Variants in CCDC107 observed in about 807,000 individuals in gnomAD.
The protein encoded by CCDC107 is coiled-coil domain-containing protein 107.
In CCDC107, 17 loss-of-function variants were observed where a neutral mutation model predicts 17.9. The observed-to-expected ratio is 0.95, with a 90% confidence interval of 0.65 to 1.42. CCDC107 has a LOEUF of 1.42. Among genes scored for constraint, CCDC107 ranks in the 40% most tolerant of loss-of-function variants. The pLI, the probability that CCDC107 is intolerant of heterozygous loss-of-function variation, is 0.00. For synonymous variants in CCDC107, 170 were observed against 157.2 expected (o/e 1.08, Z -0.61); for missense variants, 388 against 360.1 (o/e 1.08, Z -0.63).
In CCDC107 at chr9:35,658,360, C is replaced by A; in HGVS notation, c.-20C>A. On this transcript the variant is annotated 5_prime_UTR_variant, in exon 1 of 5. Coordinates refer to ENST00000426546, the MANE Select transcript of CCDC107 (RefSeq NM_174923.3). ...CCGCTTCGGCACCGCCCGCCCGATC[C>A]CTCCACCCGTGGGCCGGCAATGGCG... The A allele has an allele frequency of 7.3e-7, 1 of 1,368,880 alleles. No individual in the cohort carries two copies. The highest frequency in any genetic ancestry group is 9.4e-7 in the Non-Finnish European group (1 of 1,058,708). The allele number at this position is 1,368,880 out of a possible 1,614,324, so 84.8% of individuals were successfully genotyped here.
chr9:35,658,536 G>C (rs1438188663), intron 1 of CCDC107, 40 bp from the exon 2 acceptor site: 1 of 1,532,822 alleles, frequency 6.5e-7, no homozygotes, highest in Non-Finnish European at 8.7e-7. Flanking sequence ...CGGGTCCCAG[G>C]CCCCAGCTCG....
Position 35,661,354 on chromosome 9 carries a change from G to C in CCDC107, c.*167G>C, listed in dbSNP as rs758396886. ...AGAGGGAGCTCCAGCTCTTTTCCTCGTATTCCTGAGGCCACCAGCATGCCC... is the reference window on the plus strand; with the variant it reads ...AGAGGGAGCTCCAGCTCTTTTCCTCCTATTCCTGAGGCCACCAGCATGCCC... On this transcript the variant is annotated 3_prime_UTR_variant, in exon 5 of 5. Transcript: ENST00000426546. 1 of 540,232 alleles carries C rather than the reference G, an allele frequency of 1.9e-6. No individual in the cohort carries two copies. Among genetic ancestry groups the C allele is most frequent in the East Asian group, 3.0e-5 (1 of 32,914 alleles). 33.5% of individuals were successfully genotyped at this position (540,232 alleles called of 1,614,324 possible).
rs565195727 is a variant in CCDC107 at position 35,660,829 on chromosome 9, C to T, written c.494C>T (p.Pro165Leu). 3.7e-6 allele frequency: 6 copies of T among 1,614,112 alleles called. No individual in the cohort carries two copies. The highest frequency in any genetic ancestry group is 3.3e-5 in the South Asian group (3 of 91,074). ...CACGAGCTGCTGCAAGATAGCAAGCCGGACAAGGATATGGAGGCTTCAGAA... is the reference window on the plus strand; with the variant it reads ...CACGAGCTGCTGCAAGATAGCAAGCTGGACAAGGATATGGAGGCTTCAGAA... Reference protein sequence around the residue: ...TIHELLQDSKPDKDMEASEPG... With the variant: ...TIHELLQDSKLDKDMEASEPG... Residue 165 changes from proline (P) to leucine (L), a missense_variant, in exon 5 of 5, where the codon CCG becomes CTG. By Grantham distance (98) the Pro-to-Leu change is moderately conservative (BLOSUM62 -3). Transcript: ENST00000426546.
Position 35,660,559 on chromosome 9 carries a change from C to A in CCDC107, c.322C>A (p.Gln108Lys). 1 of 1,614,056 alleles carries A rather than the reference C, an allele frequency of 6.2e-7. No individual in the cohort carries two copies. Among genetic ancestry groups the A allele is most frequent in the Admixed American group, 1.7e-5 (1 of 60,002 alleles). Residue 108 changes from glutamine to lysine, a missense_variant and splice_region_variant, in exon 4 of 5, where the codon CAA (glutamine) becomes AAA (lysine). By Grantham distance (53) the Gln-to-Lys change is moderately conservative. Coordinates refer to ENST00000426546, the MANE Select transcript of CCDC107 (RefSeq NM_174923.3). ...ASKQQPLQSE[Q>K]QLAQLTQQLA... ...CCCCTTTTTTCCCTTATCCCCAGAG[C>A]AACAGCTGGCCCAGTTGACACAACA...
intron 2 of CCDC107, chr9:35,659,702 G>A (rs1823791997): frequency 6.6e-6 from 1 of 152,250 alleles, no homozygotes; most frequent in South Asian, 2.1e-4. Context: ...CAGGAAAGTG[G>A]GTGAGGGTGT....
rs752219256 is a variant in CCDC107, at chr9:35,660,001, C to T, written c.259-400C>T. ...CTGGGATTACAGGCACCTGCCACCA[C>T]GCCCGGCTAATTTTTGTATTTTTAA... is the stretch of plus-strand genomic sequence containing the variant. On this transcript the variant is annotated intron_variant, in intron 2 of 4. Coordinates refer to ENST00000426546, the MANE Select transcript of CCDC107 (RefSeq NM_174923.3). 43 of 155,668 alleles carry T rather than the reference C, an allele frequency of 2.8e-4. No homozygotes were observed. In the Middle Eastern group the frequency reaches 9.9e-3, roughly 36 times the overall value. The allele number at this position is 155,668 out of a possible 1,614,324, so 9.6% of individuals were successfully genotyped here.
chr9:35,658,866 A>G, intron 2 of CCDC107, 139 bp downstream of exon 2: 2 of 504,830 alleles, frequency 4.0e-6, no homozygotes, highest in Non-Finnish European at 6.8e-6. Flanking sequence ...AAATAAAGAC[A>G]GTAGTCCGTT....
At position 35,660,832 on chromosome 9, in the gene CCDC107, A is replaced by T. The variant is rs1823892772; in HGVS notation, c.497A>T (p.Asp166Val). 1 of 1,614,106 alleles carries T rather than the reference A, an allele frequency of 6.2e-7. No individual in the cohort carries two copies. Among genetic ancestry groups the T allele is most frequent in the Non-Finnish European group, 8.5e-7 (1 of 1,180,062 alleles). ...IHELLQDSKP[D>V]KDMEASEPGE... ...GAGCTGCTGCAAGATAGCAAGCCGGACAAGGATATGGAGGCTTCAGAACCA... is the reference window on the plus strand; with the variant it reads ...GAGCTGCTGCAAGATAGCAAGCCGGTCAAGGATATGGAGGCTTCAGAACCA... Residue 166 changes from aspartate to valine, a missense_variant, in exon 5 of 5, where the codon GAC becomes GTC. Coordinates refer to ENST00000426546, the MANE Select transcript of CCDC107 (RefSeq NM_174923.3).
In CCDC107 at chr9:35,661,002, A is replaced by G; in HGVS notation, c.667A>G (p.Ser223Gly). The G allele has an allele frequency of 6.2e-7, 1 of 1,613,142 alleles. No homozygotes were observed. The highest frequency in any genetic ancestry group is 8.5e-7 in the Non-Finnish European group (1 of 1,179,976). Residue 223 changes from serine to glycine, a missense_variant, in exon 5 of 5, where the codon AGT becomes GGT. Ser to Gly is a moderately conservative substitution (Grantham distance 56). Transcript: ENST00000426546. ...LKEDEEEIGD[S>G]QAWEEPTNWS... is the part of the protein sequence containing the mutation. The stretch of plus-strand genomic sequence containing the variant: ...GGAGGACGAGGAGGAGATTGGTGAC[A>G]GTCAGGCCTGGGAGGAGCCCACAAA...
intron 2 of CCDC107, chr9:35,659,453 TGAAA>T (rs1412849127): frequency 2.0e-5 from 3 of 152,198 alleles, no homozygotes; most frequent in Admixed American, 6.5e-5. Context: ...GGAGGTCTTA[TGAAA>T]GAGAGTTAGG....
rs747649230 is a variant in CCDC107 at position 35,660,893 on chromosome 9, A to C, written c.558A>C (p.Gly186=). ...EGSGGESAGG[G]DKVSETGTFL... ...CGGGAGGCGAGTCTGCTGGAGGTGGAGACAAAGTCTCTGAAACTGGAACAT... is the reference window on the plus strand; with the variant it reads ...CGGGAGGCGAGTCTGCTGGAGGTGGCGACAAAGTCTCTGAAACTGGAACAT... The change falls in exon 5 of 5, where the codon GGA becomes GGC. Residue 186 remains glycine, a synonymous_variant. Coordinates refer to ENST00000426546, the MANE Select transcript of CCDC107 (RefSeq NM_174923.3). 6.2e-7 allele frequency: 1 copy of C among 1,614,164 alleles called. No homozygotes were observed. The highest frequency in any genetic ancestry group is 1.1e-5 in the South Asian group (1 of 91,090).
Position 35,658,612 on chromosome 9 carries a change from C to A in CCDC107, c.143C>A (p.Pro48His), listed in dbSNP as rs1326477617. The A allele has an allele frequency of 3.8e-6, 6 of 1,580,642 alleles. No homozygotes were observed. Among genetic ancestry groups the A allele is most frequent in the South Asian group, 1.1e-5 (1 of 90,060 alleles). The change falls in exon 2 of 5, where the codon CCC becomes CAC. Residue 48 changes from proline (P) to histidine (H), a missense_variant. By Grantham distance (77) the Pro-to-His change is moderately conservative (BLOSUM62 -2). Transcript: ENST00000426546. Reference sequence around the variant, plus strand: ...CACCCCGGCTCTGGAGCCACGGAACCCCGGCGGCGACCACCGCTCAAGGAT... The same window carrying A: ...CACCCCGGCTCTGGAGCCACGGAACACCGGCGGCGACCACCGCTCAAGGAT... ...AAHPGSGATEPRRRPPLKDQR... is the reference protein window; with the variant it reads ...AAHPGSGATEHRRRPPLKDQR...
Position 35,658,667 on chromosome 9 carries a change from G to A in CCDC107, c.198G>A (p.Leu66=), listed in dbSNP as rs1316956269. ...DQRERTRAGS[L]PLGALYTAAV... Reference sequence around the variant, plus strand: ...GCGAGCGGACCCGGGCCGGGTCGCTGCCTCTGGGGGCGCTGTACACCGCGG... The same window carrying A: ...GCGAGCGGACCCGGGCCGGGTCGCTACCTCTGGGGGCGCTGTACACCGCGG... The change falls in exon 2 of 5, where the codon CTG becomes CTA. Residue 66 remains leucine (L), a synonymous_variant. Transcript: ENST00000426546. The A allele has an allele frequency of 1.9e-6, 3 of 1,573,456 alleles. No individual in the cohort carries two copies. The highest frequency in any genetic ancestry group is 1.7e-5 in the Admixed American group (1 of 57,808).
chr9:35,660,537 C>CT lies in CCDC107; in HGVS notation c.320-14dup, dbSNP rs1823866127. The CT allele has an allele frequency of 6.2e-7, 1 of 1,613,354 alleles. No individual in the cohort carries two copies. The highest frequency in any genetic ancestry group is 2.2e-5 in the East Asian group (1 of 44,898). ...GAAGATACATAACCACTTCTGCCCCCTTTTTTCCCTTATCCCCAGAGCAAC... is the reference window on the plus strand; with the variant it reads ...GAAGATACATAACCACTTCTGCCCCCTTTTTTTCCCTTATCCCCAGAGCAAC... On this transcript the variant is annotated intron_variant, in intron 3 of 4. Coordinates refer to ENST00000426546, the MANE Select transcript of CCDC107 (RefSeq NM_174923.3).
rs896200450 is a variant in CCDC107, at chr9:35,661,418, C to G, written c.*231C>G. On this transcript the variant is annotated 3_prime_UTR_variant, in exon 5 of 5. Coordinates refer to ENST00000426546, the MANE Select transcript of CCDC107 (RefSeq NM_174923.3). ...AAAAATCCCTTTTCTCATAGCAAAA[C>G]TGAGACAGAAGGGTCTTTCCCAAAA... is the stretch of plus-strand genomic sequence containing the variant. 2.2e-6 allele frequency: 1 copy of G among 456,902 alleles called. No homozygotes were observed. The highest frequency in any genetic ancestry group is 3.8e-6 in the Non-Finnish European group (1 of 260,354). 28.3% of individuals were successfully genotyped at this position (456,902 alleles called of 1,614,324 possible).
At chr9:35,658,518 A>G in intron 1 of CCDC107, 33 bp downstream of exon 1, 4 of 1,509,080 alleles carry the variant, frequency 2.7e-6, no homozygotes, top group Non-Finnish European at 3.5e-6. Flanking sequence ...GAGGGCTGGG[A>G]CTGCGCACGG....
chr9:35,658,816 G>A (rs1823726013), intron 2 of CCDC107, 89 bp downstream of exon 2: 3 of 737,772 alleles, frequency 4.1e-6, no homozygotes, highest in South Asian at 2.1e-5. Context: ...CCATGGGGGT[G>A]CCAGGGTACC....
rs1221045548 is a variant in CCDC107, at chr9:35,660,882, G to A, written c.547G>A (p.Ala183Thr). The part of the protein sequence containing the change: ...EPGEGSGGES[A>T]GGGDKVSETG... The stretch of plus-strand genomic sequence containing the variant: ...AGGTGAAGGCTCGGGAGGCGAGTCT[G>A]CTGGAGGTGGAGACAAAGTCTCTGA... The change falls in exon 5 of 5, where the codon GCT becomes ACT. Residue 183 changes from alanine to threonine, a missense_variant. By Grantham distance (58) the Ala-to-Thr change is moderately conservative. Coordinates refer to ENST00000426546, the MANE Select transcript of CCDC107 (RefSeq NM_174923.3). 1.2e-6 allele frequency: 2 copies of A among 1,614,032 alleles called. No individual in the cohort carries two copies. Among genetic ancestry groups the A allele is most frequent in the Non-Finnish European group, 8.5e-7 (1 of 1,180,042 alleles).
intron 2 of CCDC107, 78 bp downstream of exon 2, chr9:35,658,805 C>T: frequency 2.4e-6 from 2 of 843,100 alleles, no homozygotes; most frequent in Non-Finnish European, 3.5e-6. Flanking sequence ...GCCCGAATCT[C>T]CCATGGGGGT....
Sources: allele counts gnomAD v4.1 joint callset, GRCh38; gene constraint gnomAD v4.1.1; transcripts MANE v1.5; gene names NCBI Gene and HGNC (gene_info 2026-07-23, HGNC 2026-07-21).